EPS8: variants seen among roughly 807,000 people sequenced by gnomAD.
EPS8 encodes epidermal growth factor receptor kinase substrate 8.
Under a neutral mutation model 103.8 loss-of-function variants are expected in EPS8, and 42 were observed. That is an observed-to-expected ratio of 0.40 (90% CI 0.32 to 0.52). The LOEUF is 0.52. EPS8 is among the 20% of genes least tolerant of loss of function. The probability of loss-of-function intolerance (pLI) is 0.40; values close to 1 mark genes in which losing one functional copy is unlikely to be tolerated. For missense variants in EPS8, 969 were observed against 1,005.1 expected (o/e 0.96, Z 0.49); for synonymous variants, 344 against 344.6 (o/e 1.00, Z 0.02).
In EPS8 at chr12:15,669,408, G is replaced by A. The variant is rs1310400183; in HGVS notation, c.495C>T (p.Leu165=). ...TTACCTTAACCTCATCACACTGGAAGAGATGAAGATCTGGCTTGTTCTGGG... is the reference window on the plus strand; with the variant it reads ...TTACCTTAACCTCATCACACTGGAAAAGATGAAGATCTGGCTTGTTCTGGG... The part of the protein sequence containing the change: ...EPTQNKPDLH[L]FQCDEVKANL... Residue 165 remains leucine, a synonymous_variant, in exon 6 of 21, where the codon CTC becomes CTT. Transcript: ENST00000281172. 2 of 1,613,238 alleles carry A rather than the reference G, an allele frequency of 1.2e-6. No individual in the cohort carries two copies. The highest frequency in any genetic ancestry group is 2.2e-5 in the South Asian group (2 of 90,784).
chr12:15,765,233 A>C (rs1323468082), intron 1 of EPS8, among the ~76,000 whole-genome samples: 1 of 152,196 alleles, frequency 6.6e-6, no homozygotes, highest in East Asian at 1.9e-4. Context: ...TTATCCCAAA[A>C]AGTGATGCCT....
In EPS8 at chr12:15,749,648, G is replaced by A. The variant is rs1946910799; in HGVS notation, c.-22+39513C>T. ...AATAACCATTATGATAGTGGTAGTG[G>A]TAGGAAGAAAAATTAACCTAATCAA... On this transcript the variant is annotated intron_variant, in intron 1 of 20. Transcript: ENST00000281172. This position sits in a 1 kb window ranked among gnomAD's most constrained non-coding sequence, Gnocchi z 4.0. 6.6e-6 allele frequency among the ~76,000 whole-genome samples: 1 copy of A among 152,090 alleles called. No homozygotes were observed.
intron 13 of EPS8, among the ~76,000 whole-genome samples, chr12:15,651,877 A>C (rs888565966): frequency 1.3e-5 from 2 of 152,178 alleles, no homozygotes; most frequent in Non-Finnish European, 2.9e-5. Flanking sequence ...TCAGGATCTA[A>C]AATGACCCTT....
At chr12:15,743,266 C>T (rs956125231) in intron 1 of EPS8, among the ~76,000 whole-genome samples, 1 of 152,076 alleles carries the variant, frequency 6.6e-6, no homozygotes, top group Non-Finnish European at 1.5e-5. Flanking sequence ...TAAAAGAGGA[C>T]ACAAACAAAT....
Position 15,725,607 on chromosome 12 carries a change from GT to G in EPS8, c.-21-42636del. On this transcript the variant is annotated intron_variant, in intron 1 of 20. Coordinates refer to ENST00000281172, the MANE Select transcript of EPS8 (RefSeq NM_004447.6). This position sits in a 1 kb window ranked among gnomAD's most constrained non-coding sequence, Gnocchi z 4.5. Reference sequence around the variant, plus strand: ...ATTCTAAAATACGGTGACACAATGGGTCTTCATCATATGGTGATTCACTCAC... The same window carrying G: ...ATTCTAAAATACGGTGACACAATGGGCTTCATCATATGGTGATTCACTCAC... Among the ~76,000 whole-genome samples, 1 of 152,114 alleles carries G rather than the reference GT, an allele frequency of 6.6e-6. No homozygotes were observed. Among genetic ancestry groups the G allele is most frequent in the South Asian group, 2.1e-4 (1 of 4,820 alleles).
rs1946327365 is a variant in EPS8, at chr12:15,702,769, A to G, written c.-21-19797T>C. Among the ~76,000 whole-genome samples the G allele has an allele frequency of 6.6e-6, 1 of 152,236 alleles. No homozygotes were observed. Among genetic ancestry groups the G allele is most frequent in the Non-Finnish European group, 1.5e-5 (1 of 68,048 alleles). The stretch of plus-strand genomic sequence containing the variant: ...ATACATATATATCCAGTATATTAAT[A>G]ATAGTGAAATTATGAAAGGAATTCT... On this transcript the variant is annotated intron_variant, in intron 1 of 20. Coordinates refer to ENST00000281172, the MANE Select transcript of EPS8 (RefSeq NM_004447.6). This position sits in a 1 kb window ranked among gnomAD's most constrained non-coding sequence, Gnocchi z 5.1.
intron 1 of EPS8, among the ~76,000 whole-genome samples, chr12:15,740,564 A>AAAGT (rs767058263): frequency 6.7e-6 from 1 of 149,404 alleles, no homozygotes; most frequent in Non-Finnish European, 1.5e-5. Context: ...AAAAATAATA[A>AAAGT]AAATAAATAA....
At position 15,780,453 on chromosome 12, in the gene EPS8, G is replaced by A. The variant is rs1414558207; in HGVS notation, c.-22+8708C>T. On this transcript the variant is annotated intron_variant, in intron 1 of 20. Transcript: ENST00000281172. The surrounding 1 kb of genome is among the most constrained non-coding windows in gnomAD (Gnocchi z 4.1). Reference sequence around the variant, plus strand: ...TTCTGACTCCCTCGGCCACAGTGAGGCTCTCCTTTCTGCTATGTGCTGGGA... The same window carrying A: ...TTCTGACTCCCTCGGCCACAGTGAGACTCTCCTTTCTGCTATGTGCTGGGA... 1 of 139,128 alleles carries A rather than the reference G, an allele frequency of 7.2e-6. No individual in the cohort carries two copies. The allele number at this position is 139,128 out of a possible 1,614,324, so 8.6% of individuals were successfully genotyped here.
At chr12:15,729,648 A>AT (rs1232909385) in intron 1 of EPS8, among the ~76,000 whole-genome samples, 2 of 152,082 alleles carry the variant, frequency 1.3e-5, no homozygotes, top group African/African-American at 2.4e-5. Flanking sequence ...TAGTCAGTGT[A>AT]TTTTTTATCT....
At position 15,693,334 on chromosome 12, in the gene EPS8, G is replaced by C. The variant is rs1430016095; in HGVS notation, c.-21-10362C>G. 1.3e-5 allele frequency among the ~76,000 whole-genome samples: 2 copies of C among 152,204 alleles called. No homozygotes were observed. Among genetic ancestry groups the C allele is most frequent in the African/African-American group, 4.8e-5 (2 of 41,450 alleles). On this transcript the variant is annotated intron_variant, in intron 1 of 20. Transcript: ENST00000281172. This position sits in a 1 kb window ranked among gnomAD's most constrained non-coding sequence, Gnocchi z 5.6. ...TCATTTCATCTTTCACCCTCTGTCT[G>C]TACCTTGGTATCCCCAACCGAGTTC...
At position 15,621,270 on chromosome 12, in the gene EPS8, G is replaced by T; in HGVS notation, c.*47C>A. 2.0e-6 allele frequency: 2 copies of T among 983,354 alleles called. No individual in the cohort carries two copies. Among genetic ancestry groups the T allele is most frequent in the Non-Finnish European group, 3.0e-6 (2 of 656,150 alleles). 60.9% of individuals were successfully genotyped at this position (983,354 alleles called of 1,614,324 possible). ...TTCAAGGCTTCTTAAAACAAAGCAT[G>T]TTGGAATAATGCCAAAAACAATGGA... On this transcript the variant is annotated 3_prime_UTR_variant, in exon 21 of 21. Coordinates refer to ENST00000281172, the MANE Select transcript of EPS8 (RefSeq NM_004447.6).
At chr12:15,786,512 A>G (rs970966342) in intron 1 of EPS8, among the ~76,000 whole-genome samples, 1 of 152,126 alleles carries the variant, frequency 6.6e-6, no homozygotes, top group Non-Finnish European at 1.5e-5. Flanking sequence ...AATAAAGTAT[A>G]AACTTTGTTA....
chr12:15,739,788 C>T (rs1464650634), intron 1 of EPS8, among the ~76,000 whole-genome samples: 1 of 152,098 alleles, frequency 6.6e-6, no homozygotes, highest in African/African-American at 2.4e-5. Context: ...ATCCATCCAC[C>T]CATCCATCCA....
At chr12:15,659,532 A>G (rs983113758) in intron 10 of EPS8, among the ~76,000 whole-genome samples, 2 of 152,186 alleles carry the variant, frequency 1.3e-5, no homozygotes, top group African/African-American at 4.8e-5. Flanking sequence ...TTCAAAAGGA[A>G]TAAGTGGTTT....
chr12:15,692,391 C>A (rs1224591486), intron 1 of EPS8, among the ~76,000 whole-genome samples: 1 of 145,094 alleles, frequency 6.9e-6, no homozygotes. Context: ...ATGACCCCTG[C>A]TGAATGTTAG....
intron 3 of EPS8, among the ~76,000 whole-genome samples, chr12:15,675,097 G>C (rs190093525): frequency 1.3e-5 from 2 of 152,138 alleles, no homozygotes; most frequent in Non-Finnish European, 2.9e-5. Flanking sequence ...GAAAAATTCA[G>C]GAACACTGCT....
intron 1 of EPS8, among the ~76,000 whole-genome samples, chr12:15,686,187 A>C (rs1213988195): frequency 6.6e-6 from 1 of 152,162 alleles, no homozygotes; most frequent in Non-Finnish European, 1.5e-5. Flanking sequence ...CTTCATGATG[A>C]TCCACTTCTA....
rs971845752 is a variant in EPS8, at chr12:15,769,131, T to G, written c.-22+20030A>C. ...TCCCTGTCACCCATAAAATCTCACTTTATGTTCCATTAACCAGGATCACAT... is the reference window on the plus strand; with the variant it reads ...TCCCTGTCACCCATAAAATCTCACTGTATGTTCCATTAACCAGGATCACAT... On this transcript the variant is annotated intron_variant, in intron 1 of 20. Transcript: ENST00000281172. This position sits in a 1 kb window ranked among gnomAD's most constrained non-coding sequence, Gnocchi z 4.6. Among the ~76,000 whole-genome samples the G allele has an allele frequency of 2.0e-5, 3 of 152,278 alleles. No homozygotes were observed. In the East Asian group the frequency reaches 5.8e-4, roughly 29 times the overall value.
rs894269248 is a variant in EPS8 at position 15,662,084 on chromosome 12, T to C, written c.752A>G (p.Gln251Arg). 1 of 1,613,700 alleles carries C rather than the reference T, an allele frequency of 6.2e-7. No homozygotes were observed. The part of the protein sequence containing the change: ...ADQGDFEKPR[Q>R]YHEQEETPEM... ...AGGTGTTTCTTCCTGCTCATGATAC[T>C]GCCTTGGTTTCTCAACTATAGAAAG... The change falls in exon 9 of 21, where the codon CAG becomes CGG. Residue 251 changes from glutamine (Q) to arginine (R), a missense_variant. Gln to Arg is a conservative substitution (Grantham distance 43). Transcript: ENST00000281172.
Sources: gnomAD v4.1 joint callset for allele counts (sites outside exome capture counted in the v4.1 genomes callset) on GRCh38, gnomAD v4.1.1 for gene constraint, Gnocchi (gnomAD v3.1) non-coding constraint, MANE v1.5 for transcripts, NCBI Gene and HGNC (gene_info 2026-07-23, HGNC 2026-07-21) for gene names.